LHFPL3: variants seen among roughly 807,000 people sequenced by gnomAD.
LHFPL3 encodes LHFPL tetraspan subfamily member 3.
A neutral mutation model predicts 19.3 loss-of-function variants in LHFPL3; 5 were observed. The observed-to-expected ratio is 0.26, with a 90% CI of 0.14 to 0.54. The LOEUF (loss-of-function observed/expected upper bound fraction) is 0.54. Ranked by LOEUF, LHFPL3 falls within the 20% of genes least tolerant of loss-of-function variation. The probability of loss-of-function intolerance (pLI) is 0.94; values close to 1 mark genes in which losing one functional copy is unlikely to be tolerated. For missense variants in LHFPL3, 249 were observed against 307.4 expected, an observed-to-expected ratio of 0.81 and a Z score of 1.42; for synonymous variants, 133 against 126.2, an observed-to-expected ratio of 1.05 and a Z score of -0.36.
intron 2 of LHFPL3, among the ~76,000 whole-genome samples, chr7:104,879,349 A>G (rs1792004087): frequency 1.3e-5 from 2 of 152,062 alleles, no homozygotes; most frequent in Non-Finnish European, 2.9e-5. Flanking sequence ...CTGGGAGGCA[A>G]GGGTTGCAGT....
At chr7:104,554,054 C>T (rs954622601) in intron 1 of LHFPL3, among the ~76,000 whole-genome samples, 23 of 152,062 alleles carry the variant, frequency 1.5e-4, no homozygotes, top group Non-Finnish European at 2.9e-5. Flanking sequence ...GACAATTTGT[C>T]AGTAAAGAAC....
intron 2 of LHFPL3, among the ~76,000 whole-genome samples, chr7:104,878,040 G>T (rs1791982072): frequency 6.6e-6 from 1 of 151,990 alleles, no homozygotes; most frequent in Non-Finnish European, 1.5e-5. Context: ...TCACCATGTT[G>T]CCCAGGCTGG....
At chr7:104,590,830 G>T (rs1790700590) in intron 1 of LHFPL3, among the ~76,000 whole-genome samples, 3 of 152,262 alleles carry the variant, frequency 2.0e-5, no homozygotes, top group African/African-American at 7.2e-5. Context: ...AGGATAGTTA[G>T]CTCTTCTTGT....
chr7:104,476,904 A>T (rs976114180), intron 1 of LHFPL3, among the ~76,000 whole-genome samples: 1 of 152,244 alleles, frequency 6.6e-6, no homozygotes, highest in Non-Finnish European at 1.5e-5. Flanking sequence ...CCTTTAAGGC[A>T]GGAAAGGGAT....
intron 1 of LHFPL3, among the ~76,000 whole-genome samples, chr7:104,514,564 G>A (rs770383554): frequency 1.3e-5 from 2 of 152,186 alleles, no homozygotes; most frequent in Admixed American, 1.3e-4. Context: ...AGCAGAGCTA[G>A]AAGATATAAA....
At chr7:104,467,870 T>C (rs1236766481) in intron 1 of LHFPL3, among the ~76,000 whole-genome samples, 1 of 152,224 alleles carries the variant, frequency 6.6e-6, no homozygotes, top group East Asian at 1.9e-4. Flanking sequence ...CTTTCTCTTC[T>C]AAATTGTTTT....
intron 2 of LHFPL3, among the ~76,000 whole-genome samples, chr7:104,767,276 G>A (rs1226632088): frequency 3.3e-5 from 5 of 152,196 alleles, no homozygotes; most frequent in Admixed American, 3.3e-4. Flanking sequence ...AGGCCATTTG[G>A]CCCTGCAATC....
At chr7:104,382,751 C>T (rs1011600536) in intron 1 of LHFPL3, among the ~76,000 whole-genome samples, 2 of 152,176 alleles carry the variant, frequency 1.3e-5, no homozygotes, top group African/African-American at 4.8e-5. Context: ...TATTAATGAT[C>T]TTATTATGCT....
intron 1 of LHFPL3, among the ~76,000 whole-genome samples, chr7:104,541,103 GACACACACACACACACAC>G (rs58831498): frequency 2.0e-4 from 27 of 134,626 alleles, no homozygotes; most frequent in Non-Finnish European, 3.5e-4. Context: ...TCCTCCCCAT[GACACACACACACACACAC>G]ACACACACAC....
At chr7:104,724,535 C>T (rs1161391348) in intron 1 of LHFPL3, among the ~76,000 whole-genome samples, 1 of 152,076 alleles carries the variant, frequency 6.6e-6, no homozygotes, top group Admixed American at 6.6e-5. Flanking sequence ...TAAAGTCTTT[C>T]ACTTTAAGAA....
At chr7:104,780,195 A>G (rs1467026266) in intron 2 of LHFPL3, among the ~76,000 whole-genome samples, 2 of 152,100 alleles carry the variant, frequency 1.3e-5, no homozygotes, top group African/African-American at 4.8e-5. Context: ...GCCACTTCCC[A>G]CTTGTGAGTG....
chr7:104,607,578 G>T (rs1446294664), intron 1 of LHFPL3, among the ~76,000 whole-genome samples: 1 of 152,170 alleles, frequency 6.6e-6, no homozygotes, highest in Non-Finnish European at 1.5e-5. Context: ...TGAAAAAGGG[G>T]TGCCATGGGC....
chr7:104,453,765 C>CT (rs1320486636), intron 1 of LHFPL3, among the ~76,000 whole-genome samples: 1 of 152,076 alleles, frequency 6.6e-6, no homozygotes, highest in Admixed American at 6.6e-5. Context: ...AGCTGTCACT[C>CT]TGAGTTCTCA....
chr7:104,597,704 T>C (rs1433959900), intron 1 of LHFPL3, among the ~76,000 whole-genome samples: 1 of 152,242 alleles, frequency 6.6e-6, no homozygotes, highest in Non-Finnish European at 1.5e-5. Flanking sequence ...TCAATCAATA[T>C]ATGCAACTGC....
chr7:104,870,236 TATA>T (rs1791806150), intron 2 of LHFPL3, among the ~76,000 whole-genome samples: 1 of 152,080 alleles, frequency 6.6e-6, no homozygotes, highest in Admixed American at 6.6e-5. Context: ...AAACTTAAAG[TATA>T]ATAATAAAAA....
chr7:104,364,942 T>C (rs1790455191), intron 1 of LHFPL3, among the ~76,000 whole-genome samples: 1 of 151,804 alleles, frequency 6.6e-6, no homozygotes, highest in East Asian at 1.9e-4. Context: ...AGAGAAGGAG[T>C]CAGTTGAGAG....
At chr7:104,795,053 G>A (rs536907838) in intron 2 of LHFPL3, among the ~76,000 whole-genome samples, 15 of 152,212 alleles carry the variant, frequency 9.9e-5, no homozygotes, top group East Asian at 7.7e-4. Flanking sequence ...CTTCTAAAGC[G>A]TCTAAAGTCC....
intron 1 of LHFPL3, among the ~76,000 whole-genome samples, chr7:104,492,015 A>G (rs1793363570): frequency 6.6e-6 from 1 of 152,210 alleles, no homozygotes; most frequent in African/African-American, 2.4e-5. Flanking sequence ...GTGTGTGCAT[A>G]TACAAGTGTT....
chr7:104,655,134 G>A (rs563257383), intron 1 of LHFPL3, among the ~76,000 whole-genome samples: 3 of 152,178 alleles, frequency 2.0e-5, no homozygotes, highest in Admixed American at 1.3e-4. Flanking sequence ...GCTAGACTTG[G>A]CAAAGTACAG....
Sources: gnomAD v4.1 joint callset for allele counts (sites outside exome capture counted in the v4.1 genomes callset) on GRCh38, gnomAD v4.1.1 for gene constraint, MANE v1.5 for transcripts, NCBI Gene and HGNC (gene_info 2026-07-23, HGNC 2026-07-21) for gene names.